The following XYLT1 variants were observed in gnomAD, a reference collection of about 807,000 sequenced individuals.
XYLT1 encodes beta-D-xylosyltransferase 1.
Under a neutral mutation model 91.3 loss-of-function variants are expected in XYLT1, and 36 were observed. The ratio of observed to expected loss-of-function variants is 0.39; its 90% CI spans 0.30 to 0.52. The LOEUF (loss-of-function observed/expected upper bound fraction) is 0.52. Ranked by LOEUF, XYLT1 falls within the 20% of genes least tolerant of loss-of-function variation. The pLI, the probability that XYLT1 is intolerant of heterozygous loss-of-function variation, is 0.68. For synonymous variants in XYLT1, 588 were observed against 532.0 expected (o/e 1.11, Z -1.45); for missense variants, 1,242 against 1,284.5 (o/e 0.97, Z 0.51).
chr16:17,159,696 A>C (rs1429023409), intron 5 of XYLT1, among the ~76,000 whole-genome samples: 1 of 152,264 alleles, frequency 6.6e-6, no homozygotes, highest in African/African-American at 2.4e-5. Flanking sequence ...GAGAGCTTTA[A>C]AAAATATGAA....
chr16:17,266,279 C>T (rs543040318), intron 2 of XYLT1, among the ~76,000 whole-genome samples: 5 of 152,132 alleles, frequency 3.3e-5, no homozygotes, highest in African/African-American at 7.2e-5. Flanking sequence ...TCCCAGAGAG[C>T]CGAAGATGGC....
chr16:17,358,425 C>T (rs1381143766), intron 1 of XYLT1, among the ~76,000 whole-genome samples: 1 of 152,158 alleles, frequency 6.6e-6, no homozygotes, highest in African/African-American at 2.4e-5. Flanking sequence ...GCATGAGCCA[C>T]CACGCCAAGC....
intron 2 of XYLT1, among the ~76,000 whole-genome samples, chr16:17,343,307 C>A (rs946694909): frequency 1.3e-5 from 2 of 152,150 alleles, no homozygotes; most frequent in African/African-American, 4.8e-5. Flanking sequence ...GACAGGCCTC[C>A]GGGATTGTGC....
chr16:17,123,315 C>T (rs1026183680), intron 10 of XYLT1, among the ~76,000 whole-genome samples: 9 of 152,102 alleles, frequency 5.9e-5, no homozygotes, highest in African/African-American at 2.2e-4. Context: ...GTTCTTGTTT[C>T]TCTAGCTCAT....
chr16:17,374,903 C>T (rs116003126), intron 1 of XYLT1, among the ~76,000 whole-genome samples: 1,944 of 152,254 alleles, frequency 0.013, 41 homozygotes, highest in African/African-American at 0.044. Context: ...CTACAATGTG[C>T]TAGGTGCTAT....
At chr16:17,390,089 G>A (rs2035797949) in intron 1 of XYLT1, among the ~76,000 whole-genome samples, 1 of 152,124 alleles carries the variant, frequency 6.6e-6, no homozygotes, top group South Asian at 2.1e-4. Flanking sequence ...AGCAGGAGAG[G>A]GGAATAAAAC....
chr16:17,372,502 G>C (rs2035548597), intron 1 of XYLT1, among the ~76,000 whole-genome samples: 1 of 152,216 alleles, frequency 6.6e-6, no homozygotes, highest in African/African-American at 2.4e-5. Flanking sequence ...TTCCATCAGT[G>C]TGAGGACTAC....
intron 2 of XYLT1, among the ~76,000 whole-genome samples, chr16:17,308,991 A>G (rs182774609): frequency 5.0e-4 from 76 of 152,222 alleles, no homozygotes; most frequent in African/African-American, 1.8e-3. Flanking sequence ...AGCAAAAAAT[A>G]AAAATAAAAA....
intron 1 of XYLT1, among the ~76,000 whole-genome samples, chr16:17,360,165 C>A (rs756523033): frequency 6.6e-6 from 1 of 152,234 alleles, no homozygotes; most frequent in Non-Finnish European, 1.5e-5. Context: ...AAGCACCAGA[C>A]TGGGGTGTTG....
At chr16:17,445,419 TAGAG>T (rs1457161063) in intron 1 of XYLT1, among the ~76,000 whole-genome samples, 18 of 152,216 alleles carry the variant, frequency 1.2e-4, no homozygotes, top group Admixed American at 9.8e-4. Flanking sequence ...GGTGACCACA[TAGAG>T]TGAGTCGGCT....
In XYLT1 at chr16:17,127,707, C is replaced by A. The variant is rs769835425; in HGVS notation, c.2182G>T (p.Ala728Ser). The A allele has an allele frequency of 1.2e-6, 2 of 1,614,092 alleles. No homozygotes were observed. Among genetic ancestry groups the A allele is most frequent in the Non-Finnish European group, 8.5e-7 (1 of 1,180,006 alleles). ...CTCCCAAAGTCACTGGGTGGGCTTG[C>A]GATCTTGAAGACTTTTTTCGGCATC... ...WVMPKKVFKI[A>S]SPPSDFGRLQ... is the part of the protein sequence containing the mutation. The change falls in exon 10 of 12, where the codon GCA (alanine) becomes TCA (serine). Residue 728 changes from alanine to serine, a missense_variant. Transcript: ENST00000261381.
chr16:17,171,538 T>A (rs2031819653), intron 5 of XYLT1, among the ~76,000 whole-genome samples: 1 of 152,238 alleles, frequency 6.6e-6, no homozygotes, highest in Non-Finnish European at 1.5e-5. Flanking sequence ...ATTTCCAAGG[T>A]TACTTGTTTA....
rs555937661 is a variant in XYLT1, at chr16:17,222,888, C to T, written c.914-22234G>A. Among the ~76,000 whole-genome samples, 8 of 151,594 alleles carry T rather than the reference C, an allele frequency of 5.3e-5. No individual in the cohort carries two copies. The South Asian group carries it at 6.3e-4, about 12-fold the overall frequency. On this transcript the variant is annotated intron_variant, in intron 3 of 11. Transcript: ENST00000261381. ...TTCAGGGGCCCTCTGGCAACTGTGA[C>T]GGCCGCTCTTCGTGAACCACACTCA...
intron 3 of XYLT1, among the ~76,000 whole-genome samples, chr16:17,256,511 T>C (rs556950485): frequency 6.6e-6 from 1 of 151,812 alleles, no homozygotes; most frequent in South Asian, 2.1e-4. Flanking sequence ...ATTAGCTGGG[T>C]GTGATGGCGG....
chr16:17,400,625 A>AGGG (rs1567189512), intron 1 of XYLT1, among the ~76,000 whole-genome samples: 2,481 of 108,828 alleles, frequency 0.023, 44 homozygotes, highest in African/African-American at 0.037. Flanking sequence ...GGGAGGGAGG[A>AGGG]AGGGAGGAAG....
intron 5 of XYLT1, among the ~76,000 whole-genome samples, chr16:17,191,205 T>C (rs2032302622): frequency 1.3e-5 from 2 of 152,224 alleles, no homozygotes. Context: ...CCCTGAATTG[T>C]AAAGCACTTA....
intron 1 of XYLT1, among the ~76,000 whole-genome samples, chr16:17,381,425 T>A (rs542961001): frequency 1.2e-4 from 9 of 77,502 alleles, no homozygotes; most frequent in African/African-American, 3.2e-4. Flanking sequence ...CAACACCTTT[T>A]TTTTTTTTTT....
intron 1 of XYLT1, among the ~76,000 whole-genome samples, chr16:17,447,165 T>C (rs2036603353): frequency 6.6e-6 from 1 of 152,180 alleles, no homozygotes; most frequent in African/African-American, 2.4e-5. Context: ...ACAGCCCTGC[T>C]CTAAACCAAG....
chr16:17,177,655 C>G (rs907504773), intron 5 of XYLT1, among the ~76,000 whole-genome samples: 1 of 152,146 alleles, frequency 6.6e-6, no homozygotes, highest in Admixed American at 6.5e-5. Context: ...GCGGACACCA[C>G]CTTGGTTAAA....
Sources: allele counts gnomAD v4.1 joint callset (sites outside exome capture counted in the v4.1 genomes callset), GRCh38; gene constraint gnomAD v4.1.1; transcripts MANE v1.5; gene names NCBI Gene and HGNC (gene_info 2026-07-23, HGNC 2026-07-21).